The following SMIM45 variants were observed in gnomAD, a reference collection of about 807,000 sequenced individuals.
SMIM45 encodes the protein small integral membrane protein 45, also known as long intergenic non-protein coding RNA 634.
the SMIM45 span, among the ~76,000 whole-genome samples, chr22:41,949,065 C>T: frequency 6.6e-6 from 1 of 151,432 alleles, no homozygotes; most frequent in Non-Finnish European, 1.5e-5. Context: ...AACTCCATCA[C>T]AAAAACAAAA....
the SMIM45 span, among the ~76,000 whole-genome samples, chr22:41,949,942 C>T: frequency 2.0e-5 from 3 of 152,074 alleles, no homozygotes; most frequent in African/African-American, 7.2e-5. Flanking sequence ...ATCCTGAACA[C>T]CCAAGCTGGC....
the SMIM45 span, chr22:41,947,089 A>G: frequency 6.2e-7 from 1 of 1,612,588 alleles, no homozygotes; most frequent in Non-Finnish European, 8.5e-7. Context: ...CAGCCGCAGG[A>G]CCAACCGTTG....
At chr22:41,958,470 A>T in the SMIM45 span, 1 of 406,886 alleles carries the variant, frequency 2.5e-6, no homozygotes, top group Non-Finnish European at 4.8e-6. Flanking sequence ...GTGGTAGAGG[A>T]GAGGGTTGGT....
At chr22:41,953,814 C>T in the SMIM45 span, among the ~76,000 whole-genome samples, 8 of 145,508 alleles carry the variant, frequency 5.5e-5, no homozygotes, top group East Asian at 1.3e-3. Flanking sequence ...GCAGTGGCGC[C>T]GTCTCGGCTC....
the SMIM45 span, among the ~76,000 whole-genome samples, chr22:41,952,751 T>TG: frequency 2.0e-5 from 3 of 152,276 alleles, no homozygotes; most frequent in Non-Finnish European, 4.4e-5. Context: ...TGCACAGGGC[T>TG]GGAGAGGTTG....
the SMIM45 span, among the ~76,000 whole-genome samples, chr22:41,952,598 G>C: frequency 0.47 from 72,173 of 152,118 alleles, 20,630 homozygotes; most frequent in African/African-American, 0.79. Flanking sequence ...ACAGGGGACC[G>C]TGAGGCCCAG....
chr22:41,947,231 A>T, the SMIM45 span: 2 of 655,928 alleles, frequency 3.0e-6, no homozygotes, highest in Non-Finnish European at 5.3e-6. Flanking sequence ...CCGAACCTTT[A>T]TCTCCTTTTC....
At chr22:41,958,555 A>T in the SMIM45 span, 1 of 351,520 alleles carries the variant, frequency 2.8e-6, no homozygotes, top group Non-Finnish European at 5.7e-6. Flanking sequence ...TGTATATGTG[A>T]GAGAGAGTGT....
the SMIM45 span, among the ~76,000 whole-genome samples, chr22:41,955,380 T>C: frequency 1.3e-5 from 2 of 151,844 alleles, no homozygotes; most frequent in African/African-American, 4.8e-5. Context: ...GGTTTCACCA[T>C]GTTGGTCAGG....
the SMIM45 span, among the ~76,000 whole-genome samples, chr22:41,951,248 C>T: frequency 6.6e-6 from 1 of 152,272 alleles, no homozygotes. Flanking sequence ...CTCTCTCCCT[C>T]CTGAGAATAG....
At chr22:41,951,658 A>G in the SMIM45 span, among the ~76,000 whole-genome samples, 1 of 152,220 alleles carries the variant, frequency 6.6e-6, no homozygotes, top group South Asian at 2.1e-4. Flanking sequence ...CTGTGTGACC[A>G]TGAATAAGAA....
the SMIM45 span, chr22:41,952,518 T>C: frequency 3.3e-5 from 5 of 152,230 alleles, no homozygotes; most frequent in African/African-American, 1.2e-4. Flanking sequence ...AGGCAGCACA[T>C]TGGCTGAAAT....
At chr22:41,955,512 T>C in the SMIM45 span, among the ~76,000 whole-genome samples, 3 of 151,482 alleles carry the variant, frequency 2.0e-5, no homozygotes, top group South Asian at 6.4e-4. Context: ...TTGTTAAAAC[T>C]GCAAAGTACC....
At chr22:41,948,723 G>C in the SMIM45 span, among the ~76,000 whole-genome samples, 1 of 152,074 alleles carries the variant, frequency 6.6e-6, no homozygotes, top group African/African-American at 2.4e-5. Context: ...TTTGAGGCCA[G>C]CCTAGGCAAT....
At chr22:41,946,974 C>T in the SMIM45 span, 3 of 1,600,988 alleles carry the variant, frequency 1.9e-6, no homozygotes, top group Non-Finnish European at 1.7e-6. Flanking sequence ...TGAAGCACCG[C>T]CCAGGAGGAA....
At chr22:41,948,018 T>A in the SMIM45 span, among the ~76,000 whole-genome samples, 97 of 152,290 alleles carry the variant, frequency 6.4e-4, no homozygotes, top group African/African-American at 2.3e-3. Flanking sequence ...GGTTCCTTGC[T>A]GCAAACACAG....
the SMIM45 span, chr22:41,958,221 C>A: frequency 2.2e-6 from 1 of 444,466 alleles, no homozygotes; most frequent in Non-Finnish European, 4.5e-6. Context: ...TCAGGCATGT[C>A]TATGGCTGCC....
At chr22:41,950,227 G>A in the SMIM45 span, among the ~76,000 whole-genome samples, 285 of 152,316 alleles carry the variant, frequency 1.9e-3, no homozygotes, top group African/African-American at 6.7e-3. Flanking sequence ...AGGCATAAGG[G>A]ACACGTATAA....
chr22:41,948,125 G>A, the SMIM45 span, among the ~76,000 whole-genome samples: 1 of 152,162 alleles, frequency 6.6e-6, no homozygotes, highest in African/African-American at 2.4e-5. Flanking sequence ...TCTGCCAACA[G>A]TTATATAATA....
Sources: gnomAD v4.1 joint callset for allele counts (sites outside exome capture counted in the v4.1 genomes callset) on GRCh38, gnomAD v4.1.1 for gene constraint, MANE v1.5 for transcripts, NCBI Gene and HGNC (gene_info 2026-07-23, HGNC 2026-07-21) for gene names.